SCAI: variants seen among roughly 807,000 people sequenced by gnomAD.
SCAI encodes suppressor of cancer cell invasion, also known as protein SCAI.
In SCAI, 24 loss-of-function variants were observed where a neutral mutation model predicts 92.2. The ratio of observed to expected loss-of-function variants is 0.26; its 90% CI spans 0.19 to 0.37. The LOEUF is 0.37. Among genes scored for constraint, SCAI ranks in the 10% least tolerant of loss-of-function variants. The pLI is 1.00. For missense variants in SCAI, 450 were observed against 736.2 expected, an observed-to-expected ratio of 0.61 and a Z score of 4.50; for synonymous variants, 261 against 258.6, an observed-to-expected ratio of 1.01 and a Z score of -0.09.
intron 14 of SCAI, among the ~76,000 whole-genome samples, chr9:124,981,433 C>T (rs1264019960): frequency 2.0e-5 from 3 of 152,122 alleles, no homozygotes; most frequent in African/African-American, 7.2e-5. Flanking sequence ...AATAGTGTAT[C>T]ATAATGATAG....
chr9:124,951,833 TAATA>T lies in SCAI; in HGVS notation c.*970_*973del, dbSNP rs1831239784. On this transcript the variant is annotated 3_prime_UTR_variant, in exon 18 of 18. Coordinates refer to ENST00000336505, the MANE Select transcript of SCAI (RefSeq NM_001144877.3). ...ATAAAATACTAAATACAGGGAATGT[TAATA>T]AATCTTATTTCCAAATTACCAATGC... 1 of 152,232 alleles carries T rather than the reference TAATA, an allele frequency of 6.6e-6. No individual in the cohort carries two copies. The highest frequency in any genetic ancestry group is 1.5e-5 in the Non-Finnish European group (1 of 68,036). 9.4% of individuals were successfully genotyped at this position (152,232 alleles called of 1,614,324 possible). A position where few individuals can be genotyped will look rare whatever the true frequency, so the allele number is the denominator to read the frequency against.
intron 3 of SCAI, among the ~76,000 whole-genome samples, chr9:125,045,212 T>C (rs1833410228): frequency 6.6e-6 from 1 of 152,166 alleles, no homozygotes; most frequent in African/African-American, 2.4e-5. Flanking sequence ...TTTTTAGACA[T>C]GCACCACCAT....
chr9:125,017,225 C>G (rs1040996133), intron 9 of SCAI, among the ~76,000 whole-genome samples: 1 of 151,908 alleles, frequency 6.6e-6, no homozygotes, highest in African/African-American at 2.4e-5. Flanking sequence ...ATATTCAGTT[C>G]TTGTACTAGT....
At chr9:125,105,577 T>C (rs940394556) in intron 2 of SCAI, among the ~76,000 whole-genome samples, 1 of 152,230 alleles carries the variant, frequency 6.6e-6, no homozygotes, top group Non-Finnish European at 1.5e-5. Context: ...TATAATTCTG[T>C]ACAGTGTATC....
At chr9:125,000,230 T>C (rs977459890) in intron 12 of SCAI, among the ~76,000 whole-genome samples, 1 of 152,156 alleles carries the variant, frequency 6.6e-6, no homozygotes, top group South Asian at 2.1e-4. Context: ...CAGAATATAA[T>C]GAGAAACAAA....
intron 15 of SCAI, 33 bp from the exon 16 acceptor site, chr9:124,971,877 A>G: frequency 7.1e-7 from 1 of 1,416,780 alleles, no homozygotes. Context: ...TATATAGACA[A>G]TAGTTTTGCA....
chr9:124,988,469 T>C (rs1021777813), intron 14 of SCAI, among the ~76,000 whole-genome samples: 3 of 152,160 alleles, frequency 2.0e-5, no homozygotes, highest in Non-Finnish European at 2.9e-5. Flanking sequence ...AGGAAAGTGA[T>C]ATATTTCAAC....
At chr9:124,975,642 G>A (rs551337369) in intron 15 of SCAI, among the ~76,000 whole-genome samples, 1 of 152,258 alleles carries the variant, frequency 6.6e-6, no homozygotes, top group South Asian at 2.1e-4. Flanking sequence ...AGGTAAAAAT[G>A]TGAATAAAAG....
At chr9:125,027,654 GGGATT>G (rs775544571) in intron 5 of SCAI, among the ~76,000 whole-genome samples, 2 of 152,078 alleles carry the variant, frequency 1.3e-5, no homozygotes, top group Non-Finnish European at 2.9e-5. Flanking sequence ...CCAAGTAGCT[GGGATT>G]ACAGGCACCT....
At chr9:124,957,225 TC>T (rs1831330980) in intron 17 of SCAI, among the ~76,000 whole-genome samples, 1 of 152,124 alleles carries the variant, frequency 6.6e-6, no homozygotes. Context: ...ACTCCTGGGA[TC>T]AAGTGATCTG....
intron 3 of SCAI, among the ~76,000 whole-genome samples, chr9:125,055,373 T>C (rs969107108): frequency 6.6e-6 from 1 of 152,062 alleles, no homozygotes; most frequent in South Asian, 2.1e-4. Context: ...TTATAACACC[T>C]CATCATTACT....
In SCAI at chr9:124,950,349, G is replaced by A. The variant is rs1307037193; in HGVS notation, c.*2458C>T. On this transcript the variant is annotated 3_prime_UTR_variant, in exon 18 of 18. Coordinates refer to ENST00000336505, the MANE Select transcript of SCAI (RefSeq NM_001144877.3). ...AACAAGCAGAGACATGAAGACAGTT[G>A]TCAAAGGGCATAACGCTTAAGTTAC... 1.3e-5 allele frequency: 2 copies of A among 152,048 alleles called. No homozygotes were observed. Among genetic ancestry groups the A allele is most frequent in the Admixed American group, 1.3e-4 (2 of 15,262 alleles). 9.4% of individuals were successfully genotyped at this position (152,048 alleles called of 1,614,324 possible). A position where few individuals can be genotyped will look rare whatever the true frequency, so the allele number is the denominator to read the frequency against.
chr9:125,023,934 C>T (rs1306828031), intron 6 of SCAI, among the ~76,000 whole-genome samples: 4 of 152,000 alleles, frequency 2.6e-5, no homozygotes, highest in African/African-American at 4.8e-5. Flanking sequence ...TACCAACTGA[C>T]TCCATATCAA....
In SCAI at chr9:125,023,081, G is replaced by C. The variant is rs934890519; in HGVS notation, c.513-2312C>G. Reference sequence around the variant, plus strand: ...TCTTCTTTCATATTATTGTTATCTAGATTTGGCTCCATTTTATTTTAATAA... The same window carrying C: ...TCTTCTTTCATATTATTGTTATCTACATTTGGCTCCATTTTATTTTAATAA... On this transcript the variant is annotated intron_variant, in intron 6 of 17. Transcript: ENST00000336505. Among the ~76,000 whole-genome samples, 2 of 152,058 alleles carry C rather than the reference G, an allele frequency of 1.3e-5. 1 individual carries two copies. Among genetic ancestry groups the C allele is most frequent in the South Asian group, 4.1e-4 (2 of 4,822 alleles).
At chr9:125,095,909 C>T (rs1834541679) in intron 2 of SCAI, among the ~76,000 whole-genome samples, 1 of 152,070 alleles carries the variant, frequency 6.6e-6, no homozygotes, top group Non-Finnish European at 1.5e-5. Flanking sequence ...AGAATTAAAC[C>T]CCAATCTTTT....
intron 17 of SCAI, among the ~76,000 whole-genome samples, chr9:124,958,183 T>C (rs1029257130): frequency 6.6e-6 from 1 of 152,220 alleles, no homozygotes; most frequent in African/African-American, 2.4e-5. Context: ...GTGAATTATA[T>C]ATAGATTTTT....
rs1415115413 is a variant in SCAI at position 124,950,973 on chromosome 9, G to T, written c.*1834C>A. 6.7e-6 allele frequency: 1 copy of T among 148,218 alleles called. No homozygotes were observed. Among genetic ancestry groups the T allele is most frequent in the Non-Finnish European group, 1.5e-5 (1 of 67,294 alleles). The allele number at this position is 148,218 out of a possible 1,614,324, so 9.2% of individuals were successfully genotyped here. On this transcript the variant is annotated 3_prime_UTR_variant, in exon 18 of 18. Coordinates refer to ENST00000336505, the MANE Select transcript of SCAI (RefSeq NM_001144877.3). Reference sequence around the variant, plus strand: ...CTTGGGAGGCTGAGGTGAGAAGATTGCCTGAATCCAGGAATTTGAGGCTGC... The same window carrying T: ...CTTGGGAGGCTGAGGTGAGAAGATTTCCTGAATCCAGGAATTTGAGGCTGC...
chr9:124,961,595 A>G (rs1802597935), intron 17 of SCAI, among the ~76,000 whole-genome samples: 1 of 150,950 alleles, frequency 6.6e-6, no homozygotes, highest in Non-Finnish European at 1.5e-5. Flanking sequence ...AGTTGCAGTG[A>G]GCAGTGATCA....
chr9:125,103,936 G>T (rs894440061), intron 2 of SCAI, among the ~76,000 whole-genome samples: 2 of 152,062 alleles, frequency 1.3e-5, no homozygotes, highest in Admixed American at 6.6e-5. Context: ...CAGACAGATG[G>T]GTATCTTCTA....
Sources: allele counts gnomAD v4.1 joint callset (sites outside exome capture counted in the v4.1 genomes callset), GRCh38; gene constraint gnomAD v4.1.1; transcripts MANE v1.5; gene names NCBI Gene and HGNC (gene_info 2026-07-23, HGNC 2026-07-21).